Variants in COL2A1 observed in about 807,000 individuals in gnomAD.
COL2A1 encodes the protein collagen alpha-1(II) chain.
A neutral mutation model predicts 204.5 loss-of-function variants in COL2A1; 28 were observed. The observed-to-expected ratio is 0.14, with a 90% CI of 0.10 to 0.19. COL2A1 has a LOEUF of 0.19. Ranked by LOEUF, COL2A1 falls within the 10% of genes least tolerant of loss-of-function variation. The pLI is 1.00. For synonymous variants in COL2A1, 708 were observed against 718.7 expected (o/e 0.99, Z 0.24); for missense variants, 1,388 against 2,027.5 (o/e 0.68, Z 6.06).
chr12:47,996,211 T>C (rs1024364047), intron 8 of COL2A1, among the ~76,000 whole-genome samples: 1 of 152,234 alleles, frequency 6.6e-6, no homozygotes. Flanking sequence ...CGGGCTGAGA[T>C]TTCCTGCTGG....
Position 47,978,462 on chromosome 12 carries a change from C to T in COL2A1, c.2896-64G>A. Reference sequence around the variant, plus strand: ...CCCAGCCTCTTCTGTCCTCTCAGCACAGCTCTGTCTGTGCAGCCCCGCTCC... The same window carrying T: ...CCCAGCCTCTTCTGTCCTCTCAGCATAGCTCTGTCTGTGCAGCCCCGCTCC... On this transcript the variant is annotated intron_variant, in intron 42 of 53. Transcript: ENST00000380518. The surrounding 1 kb of genome is among the most constrained non-coding windows in gnomAD (Gnocchi z 5.5). 6.3e-7 allele frequency: 1 copy of T among 1,586,412 alleles called. No individual in the cohort carries two copies. Among genetic ancestry groups the T allele is most frequent in the Non-Finnish European group, 8.6e-7 (1 of 1,162,056 alleles).
chr12:47,998,003 A>G, intron 5 of COL2A1, 29 bp downstream of exon 5: 1 of 1,614,200 alleles, frequency 6.2e-7, no homozygotes, highest in Non-Finnish European at 8.5e-7. Context: ...CGAGGAAGGG[A>G]CGGAGAAAGA....
At position 47,983,931 on chromosome 12, in the gene COL2A1, C is replaced by T. The variant is rs189267048; in HGVS notation, c.1941+156G>A. On this transcript the variant is annotated intron_variant, in intron 29 of 53. Coordinates refer to ENST00000380518, the MANE Select transcript of COL2A1 (RefSeq NM_001844.5). ...CTCCACCAATGTGGGTCCACACAGC[C>T]TCCTGGGACACCCTGCCTCAGCTCA... 3.0e-4 allele frequency: 277 copies of T among 930,772 alleles called. 1 individual carries two copies. In the African/African-American group the frequency reaches 4.3e-3, roughly 14 times the overall value. 57.7% of individuals were successfully genotyped at this position (930,772 alleles called of 1,614,324 possible). A position where few individuals can be genotyped will look rare whatever the true frequency, so the allele number is the denominator to read the frequency against.
chr12:47,997,489 C>T, intron 7 of COL2A1, 117 bp downstream of exon 7: 3 of 1,567,568 alleles, frequency 1.9e-6, no homozygotes, highest in African/African-American at 1.4e-5. Context: ...AGCCCATGGA[C>T]AGGCTATGTA....
At position 47,995,242 on chromosome 12, in the gene COL2A1, C is replaced by G; in HGVS notation, c.762+13G>C. The G allele has an allele frequency of 1.1e-5, 18 of 1,611,112 alleles. No homozygotes were observed. The highest frequency in any genetic ancestry group is 1.5e-5 in the Non-Finnish European group (18 of 1,177,192). ...GGAGGCAGCTCCTCATTTGTCTACT[C>G]GTGTATACTCACATCATCACCAGGC... On this transcript the variant is annotated intron_variant, in intron 11 of 53. Transcript: ENST00000380518.
At chr12:47,983,070 G>A (rs768614741) in intron 32 of COL2A1, 23 bp downstream of exon 32, 16 of 1,613,130 alleles carry the variant, frequency 9.9e-6, no homozygotes, top group South Asian at 3.3e-5. Flanking sequence ...GAGGCAGCCC[G>A]CATTGGCCAA....
rs1939312423 is a variant in COL2A1 at position 47,984,994 on chromosome 12, C to T, written c.1833+1G>A. ...AAATAGAAGAGCAAATTATTACTTA[C>T]GTTGGCACCTTTGGGGCCAGGGAAA... On this transcript the variant is annotated splice_donor_variant, in intron 27 of 53. Transcript: ENST00000380518. LOFTEE classifies it high-confidence loss of function. 6.2e-7 allele frequency: 1 copy of T among 1,613,192 alleles called. No individual in the cohort carries two copies. Among genetic ancestry groups the T allele is most frequent in the Non-Finnish European group, 8.5e-7 (1 of 1,179,434 alleles).
rs1441411760 is a variant in COL2A1 at position 47,975,610 on chromosome 12, A to G, written c.3598-5T>C. On this transcript the variant is annotated splice_polypyrimidine_tract_variant and splice_region_variant and intron_variant, in intron 50 of 53. Coordinates refer to ENST00000380518, the MANE Select transcript of COL2A1 (RefSeq NM_001844.5). ...TCCAGGATTTCCAGGAGGACCCTGC[A>G]GCAGGAAACAGAGAGATCAGCCAGG... 3 of 1,599,164 alleles carry G rather than the reference A, an allele frequency of 1.9e-6. No individual in the cohort carries two copies. Among genetic ancestry groups the G allele is most frequent in the Non-Finnish European group, 2.5e-6 (3 of 1,179,744 alleles).
chr12:48,004,303 G>T lies in COL2A1; in HGVS notation c.19C>A (p.Pro7Thr). ...AGCGTCAGCAGCACCAGCGTCTGGG[G>T]AGCCCCGAGGCGAATCATGGCTCAC... MIRLGA[P>T]QTLVLLTLLV... The change falls in exon 1 of 54, where the codon CCC (proline) becomes ACC (threonine). Residue 7 changes from proline to threonine, a missense_variant. Coordinates refer to ENST00000380518, the MANE Select transcript of COL2A1 (RefSeq NM_001844.5). 6.5e-7 allele frequency: 1 copy of T among 1,549,346 alleles called. No individual in the cohort carries two copies. Among genetic ancestry groups the T allele is most frequent in the Non-Finnish European group, 8.7e-7 (1 of 1,145,832 alleles).
chr12:48,004,411 C>T lies in COL2A1; in HGVS notation c.-90G>A. The T allele has an allele frequency of 1.4e-6, 1 of 729,900 alleles. No homozygotes were observed. Among genetic ancestry groups the T allele is most frequent in the Non-Finnish European group, 2.3e-6 (1 of 428,442 alleles). The allele number at this position is 729,900 out of a possible 1,614,324, so 45.2% of individuals were successfully genotyped here. Reference sequence around the variant, plus strand: ...CGCGGGTCCGGGTCTCTACCGCGCCCTCATGCAGGAGGCCCTTGGAGCAGG... The same window carrying T: ...CGCGGGTCCGGGTCTCTACCGCGCCTTCATGCAGGAGGCCCTTGGAGCAGG... On this transcript the variant is annotated 5_prime_UTR_variant, in exon 1 of 54. Coordinates refer to ENST00000380518, the MANE Select transcript of COL2A1 (RefSeq NM_001844.5).
chr12:47,982,009 G>A lies in COL2A1; in HGVS notation c.2355+98C>T. ...CCAGCCCCGACAGAGACAGGACCAG[G>A]GACCCCAGTGGCAGACTGCCCAGCC... On this transcript the variant is annotated intron_variant, in intron 35 of 53. Transcript: ENST00000380518. The A allele has an allele frequency of 2.2e-6, 3 of 1,355,160 alleles. No homozygotes were observed. The African/African-American group carries it at 4.3e-5, about 19-fold the overall frequency. The allele number at this position is 1,355,160 out of a possible 1,614,324, so 83.9% of individuals were successfully genotyped here.
At position 47,980,751 on chromosome 12, in the gene COL2A1, C is replaced by T. The variant is rs1939015605; in HGVS notation, c.2518-90G>A. 6 of 1,417,924 alleles carry T rather than the reference C, an allele frequency of 4.2e-6. No homozygotes were observed. The highest frequency in any genetic ancestry group is 3.9e-5 in the Admixed American group (2 of 51,178). The allele number at this position is 1,417,924 out of a possible 1,614,324, so 87.8% of individuals were successfully genotyped here. ...GAGCAGGAGACTCTGTGAGTATCTGCGTGTGTGTCCTGGTCTGGACATGAT... is the reference window on the plus strand; with the variant it reads ...GAGCAGGAGACTCTGTGAGTATCTGTGTGTGTGTCCTGGTCTGGACATGAT... On this transcript the variant is annotated intron_variant, in intron 38 of 53. Transcript: ENST00000380518. The surrounding 1 kb of genome is among the most constrained non-coding windows in gnomAD (Gnocchi z 4.5).
chr12:47,973,433 C>T lies in COL2A1; in HGVS notation c.4438G>A (p.Asp1480Asn), dbSNP rs772969125. 2 of 1,614,162 alleles carry T rather than the reference C, an allele frequency of 1.2e-6. No homozygotes were observed. Residue 1480 changes from aspartate (D) to asparagine (N), a missense_variant, in exon 54 of 54, where the codon GAC becomes AAC. Coordinates refer to ENST00000380518, the MANE Select transcript of COL2A1 (RefSeq NM_001844.5). ...IGGPEQEFGV[D>N]IGPVCFL ...TACAAGAAGCAGACCGGCCCTATGT[C>T]CACACCGAATTCCTGCTCGGGCCCT...
chr12:47,999,855 G>C, intron 2 of COL2A1, 64 bp downstream of exon 2: 1 of 1,397,620 alleles, frequency 7.2e-7, no homozygotes, highest in South Asian at 1.2e-5. Flanking sequence ...GCATCTATGG[G>C]AGCGTGTTTG....
intron 17 of COL2A1, 147 bp from the exon 18 acceptor site, chr12:47,989,428 C>T: frequency 1.3e-6 from 1 of 796,284 alleles, no homozygotes; most frequent in East Asian, 2.6e-5. Flanking sequence ...TGAAAATTGT[C>T]CCCATTGCCA....
At chr12:47,993,359 C>T in intron 15 of COL2A1, 99 bp downstream of exon 15, 1 of 963,210 alleles carries the variant, frequency 1.0e-6, no homozygotes, top group Non-Finnish European at 1.7e-6. Flanking sequence ...ATGAAATCTA[C>T]AACACAGAAT....
At position 48,000,128 on chromosome 12, in the gene COL2A1, G is replaced by T. The variant is rs1390425472; in HGVS notation, c.86-3C>A. 6.2e-7 allele frequency: 1 copy of T among 1,607,892 alleles called. No homozygotes were observed. The highest frequency in any genetic ancestry group is 1.7e-5 in the Admixed American group (1 of 59,808). ...CTGCACACAGCTGCCAGCCTCCTCTGCACCAAGGGTGGGGAGGGAGAAGCA... is the reference window on the plus strand; with the variant it reads ...CTGCACACAGCTGCCAGCCTCCTCTTCACCAAGGGTGGGGAGGGAGAAGCA... On this transcript the variant is annotated splice_polypyrimidine_tract_variant and splice_region_variant and intron_variant, in intron 1 of 53. Transcript: ENST00000380518.
At chr12:47,998,389 A>G (rs376626320) in intron 3 of COL2A1, 26 bp downstream of exon 3, 11 of 1,587,810 alleles carry the variant, frequency 6.9e-6, no homozygotes, top group Non-Finnish European at 9.5e-6. Context: ...AAAAATATGA[A>G]AAAAGAAAAA....
In COL2A1 at chr12:47,977,174, C is replaced by T; in HGVS notation, c.3274-19G>A. 4 of 1,611,410 alleles carry T rather than the reference C, an allele frequency of 2.5e-6. No homozygotes were observed. The highest frequency in any genetic ancestry group is 3.4e-6 in the Non-Finnish European group (4 of 1,178,942). On this transcript the variant is annotated intron_variant, in intron 46 of 53. Coordinates refer to ENST00000380518, the MANE Select transcript of COL2A1 (RefSeq NM_001844.5). The stretch of plus-strand genomic sequence containing the variant: ...GTGCACCCTGAGGAGAGAGTGAGCG[C>T]AGCGTCAGAGAAAAGCCAGGACAGG...
Sources: gnomAD v4.1 joint callset for allele counts (sites outside exome capture counted in the v4.1 genomes callset) on GRCh38, gnomAD v4.1.1 for gene constraint, Gnocchi (gnomAD v3.1) non-coding constraint, MANE v1.5 for transcripts, NCBI Gene and HGNC (gene_info 2026-07-23, HGNC 2026-07-21) for gene names.